GRXCR1: variants seen among roughly 807,000 people sequenced by gnomAD.
GRXCR1 encodes the protein glutaredoxin and cysteine rich domain containing 1.
A neutral mutation model predicts 27.3 loss-of-function variants in GRXCR1; 27 were observed. That is an observed-to-expected ratio of 0.99 (90% CI 0.73 to 1.37). The LOEUF is 1.37. GRXCR1 is among the 40% of genes most tolerant of loss of function. The pLI is 0.00. For synonymous variants in GRXCR1, 122 were observed against 131.1 expected, an observed-to-expected ratio of 0.93 and a Z score of 0.47; for missense variants, 379 against 354.4, an observed-to-expected ratio of 1.07 and a Z score of -0.56.
chr4:42,904,904 C>T (rs1420755535), intron 1 of GRXCR1, among the ~76,000 whole-genome samples: 1 of 152,154 alleles, frequency 6.6e-6, no homozygotes, highest in Non-Finnish European at 1.5e-5. Flanking sequence ...GGTGGGACAT[C>T]TGACCCAATT....
At chr4:43,012,726 T>C (rs1410750099) in intron 2 of GRXCR1, among the ~76,000 whole-genome samples, 1 of 152,172 alleles carries the variant, frequency 6.6e-6, no homozygotes, top group Non-Finnish European at 1.5e-5. Flanking sequence ...AAGTTATTTG[T>C]CCAAGTTAAT....
At chr4:42,925,045 C>T (rs958391093) in intron 1 of GRXCR1, among the ~76,000 whole-genome samples, 3 of 150,928 alleles carry the variant, frequency 2.0e-5, no homozygotes, top group African/African-American at 7.3e-5. Context: ...TATGCATTGG[C>T]CCTAAGCATG....
intron 2 of GRXCR1, among the ~76,000 whole-genome samples, chr4:42,973,391 A>G (rs1390679257): frequency 1.3e-5 from 2 of 152,152 alleles, no homozygotes; most frequent in East Asian, 3.8e-4. Context: ...CCCAAACAGA[A>G]GTTCCATTGC....
intron 2 of GRXCR1, among the ~76,000 whole-genome samples, chr4:42,966,614 G>A (rs1412745641): frequency 6.6e-6 from 1 of 152,068 alleles, no homozygotes; most frequent in Non-Finnish European, 1.5e-5. Context: ...GCCCAAGGAA[G>A]CTTCTGCCAT....
At position 43,030,321 on chromosome 4, in the gene GRXCR1, C is replaced by T. The variant is rs377131212; in HGVS notation, c.694-40C>T. The T allele has an allele frequency of 4.7e-5, 74 of 1,587,586 alleles. 1 individual carries two copies. Among genetic ancestry groups the T allele is most frequent in the Non-Finnish European group, 6.2e-5 (72 of 1,157,434 alleles). On this transcript the variant is annotated intron_variant, in intron 3 of 3. Transcript: ENST00000399770. The stretch of plus-strand genomic sequence containing the variant: ...GCTGATTGAGTTGTTCATGCTAACA[C>T]ATCCTCTGTTTTCTCTTGTTCCCCT...
intron 2 of GRXCR1, among the ~76,000 whole-genome samples, chr4:42,991,491 T>TAA (rs978749161): frequency 5.3e-5 from 8 of 151,720 alleles, no homozygotes; most frequent in Admixed American, 3.3e-4. Context: ...TATATATATA[T>TAA]CTGTCATTCA....
At chr4:42,937,903 A>G (rs1202441325) in intron 1 of GRXCR1, among the ~76,000 whole-genome samples, 1 of 151,992 alleles carries the variant, frequency 6.6e-6, no homozygotes, top group Non-Finnish European at 1.5e-5. Flanking sequence ...TGAAGCATTT[A>G]TCATTTCTTT....
In GRXCR1 at chr4:43,030,418, T is replaced by C. The variant is rs1713389970; in HGVS notation, c.751T>C (p.Ser251Pro). Residue 251 changes from serine (S) to proline (P), a missense_variant, in exon 4 of 4, where the codon TCC becomes CCC. Coordinates refer to ENST00000399770, the MANE Select transcript of GRXCR1 (RefSeq NM_001080476.3). ...SCGGFGFLPC[S>P]VCHGSKMSMF... Reference sequence around the variant, plus strand: ...TGGAGGCTTTGGCTTTCTTCCATGCTCCGTGTGCCATGGGAGCAAGATGTC... The same window carrying C: ...TGGAGGCTTTGGCTTTCTTCCATGCCCCGTGTGCCATGGGAGCAAGATGTC... 6.2e-7 allele frequency: 1 copy of C among 1,614,054 alleles called. No homozygotes were observed. Among genetic ancestry groups the C allele is most frequent in the Non-Finnish European group, 8.5e-7 (1 of 1,179,974 alleles).
Position 42,932,577 on chromosome 4 carries a change from CATATATATATATAT to C in GRXCR1, c.385-30285_385-30272del, listed in dbSNP as rs3072802. On this transcript the variant is annotated intron_variant, in intron 1 of 3. Transcript: ENST00000399770. ...TGAGTGTTTCTCTTAAACTCCCTTC[CATATATATATATAT>C]ATATATATATATATATATATATATA... Among the ~76,000 whole-genome samples the C allele has an allele frequency of 1.6e-3, 47 of 28,668 alleles. 1 individual carries two copies. The highest frequency in any genetic ancestry group is 4.7e-3 in the South Asian group (3 of 636). The allele number at this position is 28,668 out of a possible 152,430, so 18.8% of individuals were successfully genotyped here.
chr4:42,917,156 A>G (rs1396233696), intron 1 of GRXCR1, among the ~76,000 whole-genome samples: 1 of 152,132 alleles, frequency 6.6e-6, no homozygotes, highest in Non-Finnish European at 1.5e-5. Flanking sequence ...TTCCCAATAC[A>G]TTTGGTATCT....
At chr4:42,980,418 T>A (rs1748631463) in intron 2 of GRXCR1, among the ~76,000 whole-genome samples, 1 of 152,036 alleles carries the variant, frequency 6.6e-6, no homozygotes, top group African/African-American at 2.4e-5. Context: ...TCAGGAATAA[T>A]TTTTTAATTT....
At chr4:42,960,191 A>T (rs1748100138) in intron 1 of GRXCR1, among the ~76,000 whole-genome samples, 1 of 152,132 alleles carries the variant, frequency 6.6e-6, no homozygotes, top group East Asian at 1.9e-4. Context: ...CCACTTTGAC[A>T]CATCTGGGAA....
intron 2 of GRXCR1, among the ~76,000 whole-genome samples, chr4:42,983,780 T>C (rs1711569171): frequency 6.6e-6 from 1 of 152,030 alleles, no homozygotes; most frequent in Non-Finnish European, 1.5e-5. Context: ...TTTTTTCTTT[T>C]TTCTCCTCTA....
intron 1 of GRXCR1, among the ~76,000 whole-genome samples, chr4:42,919,291 G>A (rs1560649172): frequency 6.6e-6 from 1 of 152,038 alleles, no homozygotes. Context: ...ATGACCAGGG[G>A]TTCTTGTTAG....
intron 2 of GRXCR1, among the ~76,000 whole-genome samples, chr4:43,017,768 C>T (rs577816953): frequency 6.6e-6 from 1 of 152,160 alleles, no homozygotes; most frequent in African/African-American, 2.4e-5. Context: ...TAGCCAAATA[C>T]CAACCAGGAA....
chr4:42,985,369 T>G lies in GRXCR1; in HGVS notation c.627+22235T>G, dbSNP rs931580532. ...CAACATGTTTTTTCTAAATATGAAT[T>G]TAAAGGTATAACCTGTAACATTTTT... On this transcript the variant is annotated intron_variant, in intron 2 of 3. Transcript: ENST00000399770. Among the ~76,000 whole-genome samples the G allele has an allele frequency of 3.3e-5, 5 of 152,308 alleles. No homozygotes were observed. In the South Asian group the frequency reaches 8.3e-4, roughly 25 times the overall value.
chr4:42,951,239 G>A (rs1351328459), intron 1 of GRXCR1, among the ~76,000 whole-genome samples: 1 of 152,204 alleles, frequency 6.6e-6, no homozygotes, highest in Non-Finnish European at 1.5e-5. Context: ...TCACTCAACA[G>A]ATGGTACGTT....
chr4:42,998,907 G>T (rs1712261675), intron 2 of GRXCR1, among the ~76,000 whole-genome samples: 1 of 152,250 alleles, frequency 6.6e-6, no homozygotes. Flanking sequence ...GCTTTCCCAG[G>T]CATGCAATAC....
In GRXCR1 at chr4:43,030,445, A is replaced by G. The variant is rs578104635; in HGVS notation, c.778A>G (p.Met260Val). 1.9e-6 allele frequency: 3 copies of G among 1,614,008 alleles called. No homozygotes were observed. Among genetic ancestry groups the G allele is most frequent in the South Asian group, 1.1e-5 (1 of 91,072 alleles). Residue 260 changes from methionine (M) to valine (V), a missense_variant, in exon 4 of 4, where the codon ATG (methionine) becomes GTG (valine). Transcript: ENST00000399770. The stretch of plus-strand genomic sequence containing the variant: ...CGTGTGCCATGGGAGCAAGATGTCC[A>G]TGTTTCGAAACTGCTTCACAGACTC... ...CSVCHGSKMS[M>V]FRNCFTDSFK...
Sources: gnomAD v4.1 joint callset for allele counts (sites outside exome capture counted in the v4.1 genomes callset) on GRCh38, gnomAD v4.1.1 for gene constraint, MANE v1.5 for transcripts, NCBI Gene and HGNC (gene_info 2026-07-23, HGNC 2026-07-21) for gene names.